Variants in DLG2 observed in about 807,000 individuals in gnomAD.
DLG2 encodes the protein disks large homolog 2.
Under a neutral mutation model 132.5 loss-of-function variants are expected in DLG2, and 45 were observed. The ratio of observed to expected loss-of-function variants is 0.34; its 90% CI spans 0.27 to 0.44. The LOEUF (loss-of-function observed/expected upper bound fraction) is 0.44. Among genes scored for constraint, DLG2 ranks in the 20% least tolerant of loss-of-function variants. The pLI is 1.00. For missense variants in DLG2, 1,045 were observed against 1,196.9 expected, an observed-to-expected ratio of 0.87 and a Z score of 1.87; for synonymous variants, 424 against 419.6, an observed-to-expected ratio of 1.01 and a Z score of -0.13.
intron 19 of DLG2, among the ~76,000 whole-genome samples, chr11:83,608,281 G>C (rs1054677289): frequency 3.3e-5 from 5 of 152,044 alleles, no homozygotes; most frequent in Admixed American, 3.3e-4. Flanking sequence ...ATCTAACAAT[G>C]AAGCTTGATT....
chr11:84,902,137 T>A (rs1307329658), intron 6 of DLG2, among the ~76,000 whole-genome samples: 2 of 152,114 alleles, frequency 1.3e-5, no homozygotes, highest in African/African-American at 4.8e-5. Context: ...AATTCTTGAA[T>A]GGAAATCTGG....
intron 7 of DLG2, among the ~76,000 whole-genome samples, chr11:84,343,441 G>A (rs928288958): frequency 1.3e-5 from 2 of 152,150 alleles, no homozygotes; most frequent in Non-Finnish European, 2.9e-5. Flanking sequence ...GTTATTCACT[G>A]GTTGAATGTA....
At chr11:85,424,088 C>A (rs926334186) in intron 3 of DLG2, among the ~76,000 whole-genome samples, 10 of 152,204 alleles carry the variant, frequency 6.6e-5, no homozygotes, top group Non-Finnish European at 5.9e-5. Context: ...GCTAGGGGAC[C>A]CATTGCTTCG....
intron 6 of DLG2, among the ~76,000 whole-genome samples, chr11:84,932,177 T>A (rs2154091691): frequency 6.6e-6 from 1 of 152,298 alleles, no homozygotes; most frequent in South Asian, 2.1e-4. Flanking sequence ...GGCATCTTTA[T>A]AATGAAATCT....
At chr11:85,311,732 C>G (rs906059787) in intron 3 of DLG2, among the ~76,000 whole-genome samples, 3 of 152,070 alleles carry the variant, frequency 2.0e-5, no homozygotes, top group African/African-American at 4.8e-5. Flanking sequence ...TTACAACATG[C>G]CCTTCAAATA....
At chr11:84,164,213 C>A (rs574439155) in intron 8 of DLG2, among the ~76,000 whole-genome samples, 5 of 152,324 alleles carry the variant, frequency 3.3e-5, no homozygotes, top group African/African-American at 1.2e-4. Flanking sequence ...TACAGCCAGG[C>A]ACCTTAGATT....
chr11:84,676,071 A>G (rs1267147758), intron 6 of DLG2, among the ~76,000 whole-genome samples: 3 of 152,094 alleles, frequency 2.0e-5, no homozygotes, highest in Non-Finnish European at 4.4e-5. Flanking sequence ...GACCTTTACT[A>G]GTAACAAGGG....
chr11:84,805,131 T>A (rs1240295304), intron 6 of DLG2, among the ~76,000 whole-genome samples: 1 of 152,180 alleles, frequency 6.6e-6, no homozygotes, highest in East Asian at 1.9e-4. Context: ...GCAGTAAAAG[T>A]GTATTACTAC....
At chr11:85,048,948 TTAAA>T (rs748020050) in intron 6 of DLG2, among the ~76,000 whole-genome samples, 11 of 152,072 alleles carry the variant, frequency 7.2e-5, no homozygotes, top group Non-Finnish European at 1.5e-4. Context: ...GCCAGCAAAG[TTAAA>T]TAAAGGGGTT....
At chr11:84,729,403 A>C (rs1198222526) in intron 6 of DLG2, among the ~76,000 whole-genome samples, 2 of 152,090 alleles carry the variant, frequency 1.3e-5, no homozygotes, top group African/African-American at 4.8e-5. Flanking sequence ...TGAGTTTCTT[A>C]ATCCTGAGTT....
At chr11:84,527,308 T>A (rs1296098514) in intron 7 of DLG2, among the ~76,000 whole-genome samples, 1 of 152,214 alleles carries the variant, frequency 6.6e-6, no homozygotes, top group Non-Finnish European at 1.5e-5. Context: ...TAAAACATAC[T>A]TTCCTATGAT....
At chr11:84,662,380 G>C (rs956053308) in intron 6 of DLG2, among the ~76,000 whole-genome samples, 1 of 151,776 alleles carries the variant, frequency 6.6e-6, no homozygotes, top group South Asian at 2.1e-4. Context: ...TCTCCATGTT[G>C]GTCAGGCTGG....
At chr11:83,690,041 T>C (rs939769497) in intron 18 of DLG2, among the ~76,000 whole-genome samples, 2 of 146,456 alleles carry the variant, frequency 1.4e-5, no homozygotes, top group Non-Finnish European at 3.0e-5. Context: ...TAAATATAAA[T>C]TATGTATTTT....
chr11:84,501,527 A>C (rs2154503965), intron 7 of DLG2, among the ~76,000 whole-genome samples: 1 of 152,258 alleles, frequency 6.6e-6, no homozygotes, highest in Admixed American at 6.5e-5. Flanking sequence ...GATCGTGCTA[A>C]TGCACTCCAG....
At chr11:84,275,266 A>G (rs1443720757) in intron 7 of DLG2, among the ~76,000 whole-genome samples, 2 of 152,224 alleles carry the variant, frequency 1.3e-5, no homozygotes, top group Non-Finnish European at 2.9e-5. Flanking sequence ...TTGTGTGTGG[A>G]AACAGTTTTA....
At chr11:85,338,915 A>G (rs2082305538) in intron 3 of DLG2, among the ~76,000 whole-genome samples, 1 of 151,938 alleles carries the variant, frequency 6.6e-6, no homozygotes, top group South Asian at 2.1e-4. Flanking sequence ...CGTGGTCTCA[A>G]TCTCCTGACC....
intron 3 of DLG2, among the ~76,000 whole-genome samples, chr11:85,473,527 T>A (rs1276599093): frequency 6.6e-6 from 1 of 151,834 alleles, no homozygotes; most frequent in Non-Finnish European, 1.5e-5. Context: ...GAGACCAGAG[T>A]GAAGAAATAA....
intron 7 of DLG2, among the ~76,000 whole-genome samples, chr11:84,401,842 C>CA (rs2098830755): frequency 6.6e-6 from 1 of 152,150 alleles, no homozygotes; most frequent in Non-Finnish European, 1.5e-5. Context: ...GCCACCACAC[C>CA]AGGCTAATTG....
chr11:84,473,505 C>G (rs2099113885), intron 7 of DLG2, among the ~76,000 whole-genome samples: 1 of 151,982 alleles, frequency 6.6e-6, no homozygotes, highest in Non-Finnish European at 1.5e-5. Flanking sequence ...TTGACAGAAA[C>G]TATACAATAA....
Sources: gnomAD v4.1 joint callset for allele counts (sites outside exome capture counted in the v4.1 genomes callset) on GRCh38, gnomAD v4.1.1 for gene constraint, MANE v1.5 for transcripts, NCBI Gene and HGNC (gene_info 2026-07-23, HGNC 2026-07-21) for gene names.